CFAP52: variants seen among roughly 807,000 people sequenced by gnomAD.
CFAP52 encodes cilia and flagella associated protein 52.
In CFAP52, 57 loss-of-function variants were observed where a neutral mutation model predicts 70.5. That is an observed-to-expected ratio of 0.81 (90% CI 0.65 to 1.01). The LOEUF (loss-of-function observed/expected upper bound fraction) is 1.01. Ranked by LOEUF, CFAP52 falls within the 50% of genes least tolerant of loss-of-function variation. CFAP52 has a pLI of 0.00. For synonymous variants in CFAP52, 267 were observed against 292.5 expected (o/e 0.91, Z 0.89); for missense variants, 785 against 788.5 (o/e 1.00, Z 0.05).
rs1276030061 is a variant in CFAP52, at chr17:9,595,917, C to T, written c.536+1596C>T. Among the ~76,000 whole-genome samples the T allele has an allele frequency of 2.7e-5, 4 of 149,220 alleles. No homozygotes were observed. The East Asian group carries it at 5.9e-4, about 22-fold the overall frequency. The stretch of plus-strand genomic sequence containing the variant: ...TTGTTTAAAAAAAAAAAGTTCAGTA[C>T]GTTTAAAATATGTCTGAGTACTTAC... On this transcript the variant is annotated intron_variant, in intron 4 of 13. Transcript: ENST00000352665.
At chr17:9,630,348 C>A (rs2151948590) in intron 9 of CFAP52, among the ~76,000 whole-genome samples, 1 of 149,082 alleles carries the variant, frequency 6.7e-6, no homozygotes, top group East Asian at 2.2e-4. Context: ...GAGGCCGAGG[C>A]GTGAGCCACC....
At position 9,581,516 on chromosome 17, in the gene CFAP52, TGAGA is replaced by T. The variant is rs75942703; in HGVS notation, c.71-4247_71-4244del. On this transcript the variant is annotated intron_variant, in intron 1 of 13. Transcript: ENST00000352665. ...TTACAGTTTAAAGTGTACATATGTT[TGAGA>T]GAGAGAGAGGGGATAGAGAGAGAGG... Among the ~76,000 whole-genome samples the T allele has an allele frequency of 4.3e-4, 64 of 150,308 alleles. No individual in the cohort carries two copies. The East Asian group carries it at 9.8e-3, about 23-fold the overall frequency.
chr17:9,577,680 A>G (rs983449967), intron 1 of CFAP52, among the ~76,000 whole-genome samples: 1 of 152,342 alleles, frequency 6.6e-6, no homozygotes, highest in Middle Eastern at 3.4e-3. Flanking sequence ...TGCTTTATAC[A>G]TTTCGGATAT....
At chr17:9,606,568 A>G (rs1433991506) in intron 6 of CFAP52, among the ~76,000 whole-genome samples, 1 of 152,212 alleles carries the variant, frequency 6.6e-6, no homozygotes, top group Non-Finnish European at 1.5e-5. Flanking sequence ...GGCTCTTAAC[A>G]TTGGAAATCT....
chr17:9,639,110 C>T (rs1910938544), intron 12 of CFAP52: 1 of 178,706 alleles, frequency 5.6e-6, no homozygotes, highest in Non-Finnish European at 1.2e-5. Context: ...CATCTCTCAG[C>T]ACTGTACTTC....
At chr17:9,636,906 G>A (rs992826178) in intron 11 of CFAP52, among the ~76,000 whole-genome samples, 1 of 152,140 alleles carries the variant, frequency 6.6e-6, no homozygotes, top group Non-Finnish European at 1.5e-5. Context: ...GTAGCTGGGC[G>A]TGGTGGCGCG....
At chr17:9,607,961 C>T (rs1413830767) in intron 6 of CFAP52, among the ~76,000 whole-genome samples, 158 bp from the exon 7 acceptor site, 1 of 152,002 alleles carries the variant, frequency 6.6e-6, no homozygotes, top group African/African-American at 2.4e-5. Flanking sequence ...TTTAATTCAT[C>T]TTTCATTCAG....
Position 9,576,757 on chromosome 17 carries a change from G to A in CFAP52, c.62G>A (p.Gly21Asp). 6.2e-7 allele frequency: 1 copy of A among 1,611,966 alleles called. No homozygotes were observed. Among genetic ancestry groups the A allele is most frequent in the Non-Finnish European group, 8.5e-7 (1 of 1,179,048 alleles). Reference protein sequence around the residue: ...VAELELDAVIGFNGHVPTGLK... With the variant: ...VAELELDAVIDFNGHVPTGLK... Reference sequence around the variant, plus strand: ...GAGCTGGAACTTGACGCCGTGATCGGCTTCAATGGTGAGGCCTCCAGCATC... The same window carrying A: ...GAGCTGGAACTTGACGCCGTGATCGACTTCAATGGTGAGGCCTCCAGCATC... The change falls in exon 1 of 14, where the codon GGC (glycine) becomes GAC (aspartate). Residue 21 changes from glycine (G) to aspartate (D), a missense_variant. By Grantham distance (94) the Gly-to-Asp change is moderately conservative. Transcript: ENST00000352665.
At chr17:9,628,002 G>C (rs1354004364) in intron 8 of CFAP52, among the ~76,000 whole-genome samples, 1 of 152,072 alleles carries the variant, frequency 6.6e-6, no homozygotes, top group Non-Finnish European at 1.5e-5. Context: ...CCAAAGTGCT[G>C]GGATTACAGG....
At chr17:9,635,300 A>C in intron 10 of CFAP52, 105 bp from the exon 11 acceptor site, 1 of 1,507,082 alleles carries the variant, frequency 6.6e-7, no homozygotes, top group Non-Finnish European at 8.9e-7. Context: ...GGAATTAAAA[A>C]AACACAAATC....
intron 1 of CFAP52, among the ~76,000 whole-genome samples, chr17:9,580,500 C>A (rs182762206): frequency 3.9e-5 from 6 of 152,092 alleles, no homozygotes; most frequent in Admixed American, 6.5e-5. Context: ...CCAGCCTGGG[C>A]AACATGGTGA....
chr17:9,614,542 A>G (rs188945553), intron 8 of CFAP52, among the ~76,000 whole-genome samples: 2 of 152,270 alleles, frequency 1.3e-5, no homozygotes, highest in East Asian at 3.9e-4. Context: ...ACATTTACTA[A>G]TTAGGAATTT....
At position 9,643,175 on chromosome 17, in the gene CFAP52, T is replaced by TG; in HGVS notation, c.1842dup (p.Lys615GlufsTer14). On this transcript the variant is annotated frameshift_variant, in exon 14 of 14. Transcript: ENST00000352665. LOFTEE classifies it high-confidence loss of function. ...AAGTGCCGATGGAGCCATTTTGCGA[T>TG]GGAAGTACCCATATACCTCCTGAAG... is the stretch of plus-strand genomic sequence containing the variant. 6.2e-7 allele frequency: 1 copy of TG among 1,612,466 alleles called. No homozygotes were observed. The highest frequency in any genetic ancestry group is 8.5e-7 in the Non-Finnish European group (1 of 1,179,320).
chr17:9,588,422 T>G (rs1381475396), intron 3 of CFAP52, among the ~76,000 whole-genome samples: 1 of 152,168 alleles, frequency 6.6e-6, no homozygotes, highest in Non-Finnish European at 1.5e-5. Context: ...AGGGTAGAGC[T>G]GGCTGCGCAG....
intron 3 of CFAP52, 36 bp from the exon 4 acceptor site, chr17:9,594,157 T>C (rs908703928): frequency 1.3e-6 from 2 of 1,546,382 alleles, no homozygotes; most frequent in African/African-American, 1.4e-5. Flanking sequence ...TGTTTTCTCT[T>C]TGACTTTTTT....
At position 9,628,774 on chromosome 17, in the gene CFAP52, C is replaced by T; in HGVS notation, c.1128C>T (p.Thr376=). 1 of 1,614,156 alleles carries T rather than the reference C, an allele frequency of 6.2e-7. No individual in the cohort carries two copies. Among genetic ancestry groups the T allele is most frequent in the Non-Finnish European group, 8.5e-7 (1 of 1,180,026 alleles). The change falls in exon 9 of 14, where the codon ACC becomes ACT. Residue 376 remains threonine, a synonymous_variant. Coordinates refer to ENST00000352665, the MANE Select transcript of CFAP52 (RefSeq NM_145054.5). The part of the protein sequence containing the change: ...ELLRITVPNM[T]CHGIDFMRDG... ...TGCGGATCACCGTGCCCAACATGAC[C>T]TGCCACGGCATCGACTTCATGAGGG...
At chr17:9,594,681 G>A (rs1908918801) in intron 4 of CFAP52, among the ~76,000 whole-genome samples, 1 of 152,118 alleles carries the variant, frequency 6.6e-6, no homozygotes, top group Non-Finnish European at 1.5e-5. Flanking sequence ...GGGGTCTCAT[G>A]ATCTGATAGT....
At chr17:9,636,389 C>G (rs1012109088) in intron 11 of CFAP52, among the ~76,000 whole-genome samples, 4 of 152,190 alleles carry the variant, frequency 2.6e-5, no homozygotes, top group African/African-American at 7.2e-5. Flanking sequence ...GCTGCATTCC[C>G]GGGGACCTCT....
chr17:9,628,816 T>G lies in CFAP52; in HGVS notation c.1170T>G (p.Ile390Met). Residue 390 changes from isoleucine (I) to methionine (M), a missense_variant, in exon 9 of 14, where the codon ATT becomes ATG. By Grantham distance (10) the Ile-to-Met change is conservative. Coordinates refer to ENST00000352665, the MANE Select transcript of CFAP52 (RefSeq NM_145054.5). Reference sequence around the variant, plus strand: ...TCATGAGGGACGGCAAAAGCATCATTTCAGGTAACGTCCACATGTCAAGAT... The same window carrying G: ...TCATGAGGGACGGCAAAAGCATCATGTCAGGTAACGTCCACATGTCAAGAT... ...IDFMRDGKSI[I>M]SAWNDGKIRA... 2 of 1,614,066 alleles carry G rather than the reference T, an allele frequency of 1.2e-6. No homozygotes were observed. Among genetic ancestry groups the G allele is most frequent in the Non-Finnish European group, 1.7e-6 (2 of 1,179,978 alleles).
Sources: allele counts gnomAD v4.1 joint callset (sites outside exome capture counted in the v4.1 genomes callset), GRCh38; gene constraint gnomAD v4.1.1; transcripts MANE v1.5; gene names NCBI Gene and HGNC (gene_info 2026-07-23, HGNC 2026-07-21).